PHF3: variants seen among roughly 807,000 people sequenced by gnomAD.
The protein encoded by PHF3 is PHD finger protein 3.
Under a neutral mutation model 178.4 loss-of-function variants are expected in PHF3, and 41 were observed. That is an observed-to-expected ratio of 0.23 (90% CI 0.18 to 0.30). The LOEUF is 0.30. Ranked by LOEUF, PHF3 falls within the 10% of genes least tolerant of loss-of-function variation. PHF3 has a pLI of 1.00. For synonymous variants in PHF3, 842 were observed against 800.5 expected, an observed-to-expected ratio of 1.05 and a Z score of -0.88; for missense variants, 2,346 against 2,398.1, an observed-to-expected ratio of 0.98 and a Z score of 0.45.
In PHF3 at chr6:63,660,400, G is replaced by T. The variant is rs74831382; in HGVS notation, c.244+13605G>T. ...TCATTTTACAGTTGAAGAAATTGTG[G>T]TTTAGGAATAAACATTAACTTGGAT... On this transcript the variant is annotated intron_variant, in intron 2 of 15. Coordinates refer to ENST00000262043, the MANE Select transcript of PHF3 (RefSeq NM_001370348.2). Among the ~76,000 whole-genome samples, 187 of 151,626 alleles carry T rather than the reference G, an allele frequency of 1.2e-3. 3 individuals are homozygous for T. In the East Asian group the frequency reaches 0.029, roughly 23 times the overall value.
At chr6:63,680,247 A>AT (rs1452165731) in intron 3 of PHF3, 86 bp downstream of exon 3, 3 of 1,160,274 alleles carry the variant, frequency 2.6e-6, no homozygotes, top group Non-Finnish European at 3.6e-6. Context: ...CAGAAATCAT[A>AT]TTTTCTTGAT....
intron 2 of PHF3, 64 bp downstream of exon 2, chr6:63,646,859 G>T (rs1764810220): frequency 2.1e-5 from 24 of 1,127,768 alleles, no homozygotes; most frequent in Middle Eastern, 3.4e-4. Context: ...AAAATTTTCA[G>T]CAGCTTTTTC....
rs1264435629 is a variant in PHF3 at position 63,723,468 on chromosome 6, TAG to T, written c.*9763_*9764del. Among the ~76,000 whole-genome samples the T allele has an allele frequency of 6.6e-6, 1 of 152,130 alleles. No homozygotes were observed. Among genetic ancestry groups the T allele is most frequent in the Non-Finnish European group, 1.5e-5 (1 of 68,020 alleles). ...GAAGCTTTTCTTGCTCCTTGTGTTG[TAG>T]AGTGTTCCTGTAGTAAACAATTTTA... is the stretch of plus-strand genomic sequence containing the variant. On this transcript the variant is annotated 3_prime_UTR_variant, in exon 16 of 16. Coordinates refer to ENST00000262043, the MANE Select transcript of PHF3 (RefSeq NM_001370348.2).
chr6:63,671,048 T>C (rs1438009786), intron 2 of PHF3, among the ~76,000 whole-genome samples: 1 of 152,172 alleles, frequency 6.6e-6, no homozygotes, highest in African/African-American at 2.4e-5. Context: ...AATTGACTTA[T>C]TAGAATGTGA....
chr6:63,678,734 T>C, intron 2 of PHF3: 1 of 419,034 alleles, frequency 2.4e-6, no homozygotes, highest in Non-Finnish European at 4.7e-6. Flanking sequence ...ATATGAGCAG[T>C]TTCATGATTC....
intron 4 of PHF3, among the ~76,000 whole-genome samples, chr6:63,686,977 A>T (rs1766737278): frequency 6.6e-6 from 1 of 152,182 alleles, no homozygotes; most frequent in Non-Finnish European, 1.5e-5. Flanking sequence ...GTATTTCTTC[A>T]TTTGTGATCC....
chr6:63,670,767 C>G (rs1765881363), intron 2 of PHF3, among the ~76,000 whole-genome samples: 1 of 152,154 alleles, frequency 6.6e-6, no homozygotes, highest in Non-Finnish European at 1.5e-5. Context: ...TGTTCTAGCA[C>G]TAGTGATACA....
chr6:63,707,128 C>A (rs1767728493), intron 13 of PHF3, among the ~76,000 whole-genome samples: 1 of 152,180 alleles, frequency 6.6e-6, no homozygotes, highest in African/African-American at 2.4e-5. Context: ...TCAGATAATT[C>A]AAAATCAATG....
chr6:63,672,093 A>T (rs1765944302), intron 2 of PHF3, among the ~76,000 whole-genome samples: 1 of 152,178 alleles, frequency 6.6e-6, no homozygotes, highest in Non-Finnish European at 1.5e-5. Context: ...TGTCCGCCTC[A>T]GCCTCCCAAA....
At position 63,684,374 on chromosome 6, in the gene PHF3, A is replaced by G; in HGVS notation, c.652A>G (p.Ser218Gly). 6.2e-7 allele frequency: 1 copy of G among 1,613,952 alleles called. No individual in the cohort carries two copies. Among genetic ancestry groups the G allele is most frequent in the Non-Finnish European group, 8.5e-7 (1 of 1,179,820 alleles). ...EVVPEVSVSS[S>G]HSSVSSCLEM... ...GGTACCTGAAGTATCAGTGTCTTCA[A>G]GTCATTCTTCAGTGTCATCTTGTCT... Residue 218 changes from serine to glycine, a missense_variant, in exon 4 of 16, where the codon AGT becomes GGT. Around this residue, in one of 8 missense-constraint regions of PHF3, gnomAD observed 843 missense variants for 795.2 expected, o/e 1.06. Transcript: ENST00000262043.
intron 9 of PHF3, among the ~76,000 whole-genome samples, chr6:63,701,719 A>G (rs890534210): frequency 1.3e-5 from 2 of 152,110 alleles, no homozygotes. Flanking sequence ...CACCGTATGT[A>G]ATTTCTCCTC....
intron 14 of PHF3, among the ~76,000 whole-genome samples, chr6:63,710,671 C>A (rs1767888016): frequency 6.6e-6 from 1 of 152,120 alleles, no homozygotes; most frequent in African/African-American, 2.4e-5. Context: ...CTTTTTATTT[C>A]TAAATTCAGT....
chr6:63,680,721 G>A (rs1484706490), intron 3 of PHF3, among the ~76,000 whole-genome samples: 1 of 151,956 alleles, frequency 6.6e-6, no homozygotes, highest in African/African-American at 2.4e-5. Context: ...TACTAAAACT[G>A]CTCTACCAGT....
At chr6:63,706,621 C>G in intron 12 of PHF3, 108 bp from the exon 13 acceptor site, 1 of 840,330 alleles carries the variant, frequency 1.2e-6, no homozygotes. Context: ...TGTCAATAGC[C>G]TCATATTTTG....
In PHF3 at chr6:63,680,109, A is replaced by G. The variant is rs780389096; in HGVS notation, c.354A>G (p.Val118=). Residue 118 remains valine, a synonymous_variant, in exon 3 of 16, where the codon GTA becomes GTG. Coordinates refer to ENST00000262043, the MANE Select transcript of PHF3 (RefSeq NM_001370348.2). ...ILPNRNLRDK[V]EENSVRSPRK... is the part of the protein sequence containing the mutation. ...CTAACAGGAACTTAAGGGACAAGGT[A>G]GAAGAAAATTCAGTGAGATCTCCAA... is the stretch of plus-strand genomic sequence containing the variant. 6.2e-7 allele frequency: 1 copy of G among 1,611,654 alleles called. No homozygotes were observed. Among genetic ancestry groups the G allele is most frequent in the Non-Finnish European group, 8.5e-7 (1 of 1,179,056 alleles).
At position 63,635,894 on chromosome 6, in the gene PHF3, G is replaced by A; in HGVS notation, c.-282G>A. Reference sequence around the variant, plus strand: ...TCTCGCGCCGTCGCACCGTCCCCACGCGGCAAGCGACCTTCGGGCTCAGGG... The same window carrying A: ...TCTCGCGCCGTCGCACCGTCCCCACACGGCAAGCGACCTTCGGGCTCAGGG... On this transcript the variant is annotated 5_prime_UTR_variant, in exon 1 of 16. Transcript: ENST00000262043. The A allele has an allele frequency of 5.0e-6, 2 of 397,852 alleles. No individual in the cohort carries two copies. The highest frequency in any genetic ancestry group is 8.9e-6 in the Non-Finnish European group (2 of 225,558). 24.6% of individuals were successfully genotyped at this position (397,852 alleles called of 1,614,324 possible).
chr6:63,645,267 G>A (rs943341296), intron 1 of PHF3, among the ~76,000 whole-genome samples: 11 of 152,140 alleles, frequency 7.2e-5, no homozygotes, highest in Non-Finnish European at 1.6e-4. Flanking sequence ...ATGGGTATGG[G>A]CTGTGGAGCT....
intron 4 of PHF3, among the ~76,000 whole-genome samples, chr6:63,687,882 A>G (rs1415514073): frequency 1.3e-5 from 2 of 152,202 alleles, no homozygotes; most frequent in Admixed American, 1.3e-4. Context: ...TGTCAGGTGC[A>G]TAGAGATTTT....
At position 63,714,912 on chromosome 6, in the gene PHF3, T is replaced by C. The variant is rs1323523515; in HGVS notation, c.*1204T>C. ...ATATGAAAACTATTGTTAATTCAAA[T>C]CTAAATTTATTTAAACCCTAAAACA... On this transcript the variant is annotated 3_prime_UTR_variant, in exon 16 of 16. Transcript: ENST00000262043. The C allele has an allele frequency of 6.6e-6, 1 of 152,104 alleles. No homozygotes were observed. Among genetic ancestry groups the C allele is most frequent in the African/African-American group, 2.4e-5 (1 of 41,418 alleles). The allele number at this position is 152,104 out of a possible 1,614,324, so 9.4% of individuals were successfully genotyped here.
Sources: gnomAD v4.1 joint callset for allele counts (sites outside exome capture counted in the v4.1 genomes callset) on GRCh38, gnomAD v4.1.1 for gene constraint, gnomAD v4.1.1 regional missense constraint, MANE v1.5 for transcripts, NCBI Gene and HGNC (gene_info 2026-07-23, HGNC 2026-07-21) for gene names.